The following CBLB variants were observed in gnomAD, a reference collection of about 807,000 sequenced individuals.
CBLB encodes E3 ubiquitin-protein ligase CBL-B.
In CBLB, 31 loss-of-function variants were observed where a neutral mutation model predicts 104.9. That is an observed-to-expected ratio of 0.30 (90% CI 0.22 to 0.40). The LOEUF (loss-of-function observed/expected upper bound fraction) is 0.40. Ranked by LOEUF, CBLB falls within the 10% of genes least tolerant of loss-of-function variation. The pLI, the probability that CBLB is intolerant of heterozygous loss-of-function variation, is 1.00. For missense variants in CBLB, 1,062 were observed against 1,214.6 expected, an observed-to-expected ratio of 0.87 and a Z score of 1.87; for synonymous variants, 440 against 422.6, an observed-to-expected ratio of 1.04 and a Z score of -0.51.
chr3:105,839,356 G>A (rs1180064938), intron 3 of CBLB: 2 of 152,126 alleles, frequency 1.3e-5, no homozygotes, highest in Admixed American at 1.3e-4. Flanking sequence ...ATATACATCA[G>A]AATATTGAGA....
rs574468039 is a variant in CBLB, at chr3:105,779,504, TATATACATACAC to T, written c.420-2974_420-2963del. On this transcript the variant is annotated intron_variant, in intron 3 of 18. Coordinates refer to ENST00000394030, the MANE Select transcript of CBLB (RefSeq NM_170662.5). ...AAAAATAGTTGAATATATATATGCA[TATATACATACAC>T]ATTCCAGAATATATATATTTACTTT... 5.4e-3 allele frequency among the ~76,000 whole-genome samples: 820 copies of T among 152,282 alleles called. 8 individuals carry two copies. Among genetic ancestry groups the T allele is most frequent in the African/African-American group, 0.019 (773 of 41,568 alleles).
intron 3 of CBLB, among the ~76,000 whole-genome samples, chr3:105,785,848 G>A (rs1021291356): frequency 1.3e-5 from 2 of 152,056 alleles, no homozygotes; most frequent in African/African-American, 4.8e-5. Context: ...AATTTGCCAA[G>A]CAATTCCCAC....
chr3:105,668,417 CTAAAG>C (rs1464105698), intron 18 of CBLB, among the ~76,000 whole-genome samples: 2 of 152,162 alleles, frequency 1.3e-5, no homozygotes, highest in Non-Finnish European at 2.9e-5. Context: ...TTTCCCCTAA[CTAAAG>C]TATAGGTTTC....
At chr3:105,741,293 A>T (rs2152881542) in intron 6 of CBLB, among the ~76,000 whole-genome samples, 1 of 152,196 alleles carries the variant, frequency 6.6e-6, no homozygotes, top group Middle Eastern at 3.4e-3. Flanking sequence ...GGTTCAAGCG[A>T]TTCTCCTGCC....
chr3:105,678,658 C>T, intron 16 of CBLB, 87 bp from the exon 17 acceptor site: 1 of 1,392,574 alleles, frequency 7.2e-7, no homozygotes, highest in Non-Finnish European at 1.0e-6. Flanking sequence ...TTGATTTTCT[C>T]TTGCTGCTTA....
At chr3:105,693,794 A>AT (rs1330474044) in intron 12 of CBLB, among the ~76,000 whole-genome samples, 1 of 152,054 alleles carries the variant, frequency 6.6e-6, no homozygotes, top group African/African-American at 2.4e-5. Flanking sequence ...AAAAATAAAA[A>AT]TGTTACACCA....
At chr3:105,765,905 A>G (rs1360875924) in intron 4 of CBLB, among the ~76,000 whole-genome samples, 3 of 152,240 alleles carry the variant, frequency 2.0e-5, no homozygotes, top group Non-Finnish European at 4.4e-5. Flanking sequence ...TTATTATTTA[A>G]GAAATACATT....
At chr3:105,703,533 A>C (rs1487890030) in intron 11 of CBLB, among the ~76,000 whole-genome samples, 1 of 152,176 alleles carries the variant, frequency 6.6e-6, no homozygotes, top group African/African-American at 2.4e-5. Flanking sequence ...CCAGGTTTAA[A>C]AACTACATAT....
chr3:105,809,424 C>G lies in CBLB; in HGVS notation c.420-32882G>C, dbSNP rs533644150. 4.1e-4 allele frequency among the ~76,000 whole-genome samples: 62 copies of G among 152,280 alleles called. No individual in the cohort carries two copies. In the Middle Eastern group the frequency reaches 0.014, roughly 33 times the overall value. On this transcript the variant is annotated intron_variant, in intron 3 of 18. Coordinates refer to ENST00000394030, the MANE Select transcript of CBLB (RefSeq NM_170662.5). ...AAGCTGGCAGATGATTAGCAGGAGG[C>G]TATACTACCAGCTCAGTAGATGCTC...
intron 13 of CBLB, among the ~76,000 whole-genome samples, chr3:105,690,320 G>T (rs1307534142): frequency 3.3e-5 from 5 of 152,064 alleles, no homozygotes. Context: ...TCTGTGAGTG[G>T]CATTTTGCTA....
chr3:105,722,473 C>T (rs2073020956), intron 9 of CBLB, among the ~76,000 whole-genome samples: 1 of 152,112 alleles, frequency 6.6e-6, no homozygotes, highest in African/African-American at 2.4e-5. Flanking sequence ...TCCTTTCACT[C>T]TTAGATCGTT....
At chr3:105,810,892 A>G (rs1033335266) in intron 3 of CBLB, among the ~76,000 whole-genome samples, 1 of 152,170 alleles carries the variant, frequency 6.6e-6, no homozygotes, top group Non-Finnish European at 1.5e-5. Context: ...CTTCATAGGT[A>G]TAAGTTTAAG....
intron 13 of CBLB, among the ~76,000 whole-genome samples, chr3:105,690,366 C>G (rs1346612501): frequency 1.3e-5 from 2 of 152,120 alleles, no homozygotes; most frequent in East Asian, 3.8e-4. Context: ...AGCCAAGACT[C>G]TTGACTCACT....
intron 3 of CBLB, chr3:105,839,399 A>G (rs1333585046): frequency 2.0e-5 from 3 of 152,252 alleles, no homozygotes; most frequent in Admixed American, 1.3e-4. Context: ...ATAGGTCTAT[A>G]GCTATCAGTC....
intron 3 of CBLB, among the ~76,000 whole-genome samples, chr3:105,796,370 G>C (rs2082256353): frequency 6.6e-6 from 1 of 152,158 alleles, no homozygotes; most frequent in Admixed American, 6.5e-5. Context: ...ATAAATGGGT[G>C]CTAGGCAAAC....
At chr3:105,693,106 A>G (rs1441162121) in intron 13 of CBLB, among the ~76,000 whole-genome samples, 5 of 151,998 alleles carry the variant, frequency 3.3e-5, no homozygotes. Flanking sequence ...GATGTGAGAA[A>G]TGAGAAACCT....
chr3:105,747,903 C>T (rs566653099), intron 5 of CBLB, among the ~76,000 whole-genome samples: 11 of 152,260 alleles, frequency 7.2e-5, no homozygotes, highest in Non-Finnish European at 1.5e-4. Context: ...GAGCCAACTG[C>T]TACAGTATTC....
Position 105,867,566 on chromosome 3 carries a change from T to C in CBLB, c.12A>G (p.Ser4=). Residue 4 remains serine, a synonymous_variant, in exon 2 of 19, where the codon TCA becomes TCG. Coordinates refer to ENST00000394030, the MANE Select transcript of CBLB (RefSeq NM_170662.5). ...GACCACCAGGGTTTCTGCCATTCAT[T>C]GAGTTTGCCATCTGGAATTTTAGTT... The part of the protein sequence containing the change: MAN[S]MNGRNPGGRG... 1 of 1,614,070 alleles carries C rather than the reference T, an allele frequency of 6.2e-7. No homozygotes were observed. Among genetic ancestry groups the C allele is most frequent in the African/African-American group, 1.3e-5 (1 of 75,042 alleles).
intron 10 of CBLB, among the ~76,000 whole-genome samples, chr3:105,711,994 A>G (rs1338824614): frequency 6.6e-6 from 1 of 152,138 alleles, no homozygotes; most frequent in East Asian, 1.9e-4. Context: ...AGTGGTCAAT[A>G]AAGTTGCCGA....
Sources: allele counts gnomAD v4.1 joint callset (sites outside exome capture counted in the v4.1 genomes callset), GRCh38; gene constraint gnomAD v4.1.1; transcripts MANE v1.5; gene names NCBI Gene and HGNC (gene_info 2026-07-23, HGNC 2026-07-21).